Variants in PPFIA2 observed in about 807,000 individuals in gnomAD.
The protein encoded by PPFIA2 is liprin-alpha-2.
PPFIA2 carries 46 observed loss-of-function variants against 175.5 expected under a neutral mutation model. That is an observed-to-expected ratio of 0.26 (90% CI 0.21 to 0.34). The LOEUF is 0.34. PPFIA2 is among the 10% of genes least tolerant of loss of function. PPFIA2 has a pLI of 1.00. For missense variants in PPFIA2, 1,179 were observed against 1,506.1 expected (o/e 0.78, Z 3.60); for synonymous variants, 568 against 511.4 (o/e 1.11, Z -1.49).
intron 4 of PPFIA2, among the ~76,000 whole-genome samples, chr12:81,589,254 T>G (rs1023634476): frequency 2.6e-5 from 4 of 152,072 alleles, no homozygotes; most frequent in Non-Finnish European, 5.9e-5. Flanking sequence ...GGAAGAGTTA[T>G]AACTTCCTAT....
intron 30 of PPFIA2, among the ~76,000 whole-genome samples, chr12:81,266,324 C>T (rs2037252322): frequency 2.0e-5 from 3 of 152,152 alleles, no homozygotes; most frequent in African/African-American, 7.2e-5. Context: ...CAGTCCACAG[C>T]ATTTGCTGAT....
chr12:81,345,267 C>T (rs2058856284), intron 18 of PPFIA2, among the ~76,000 whole-genome samples: 1 of 152,004 alleles, frequency 6.6e-6, no homozygotes, highest in African/African-American at 2.4e-5. Flanking sequence ...TAAAAATATA[C>T]AATTGATGAC....
intron 4 of PPFIA2, among the ~76,000 whole-genome samples, chr12:81,532,346 G>A (rs559700296): frequency 2.6e-4 from 40 of 151,790 alleles, no homozygotes; most frequent in African/African-American, 9.6e-4. Context: ...AAGAAAGTGA[G>A]ATGAAAATCA....
chr12:81,611,655 T>C (rs1394698523), intron 4 of PPFIA2, among the ~76,000 whole-genome samples: 1 of 152,006 alleles, frequency 6.6e-6, no homozygotes, highest in Non-Finnish European at 1.5e-5. Context: ...TCACATCTGT[T>C]GCAAAGAAAG....
At chr12:81,395,009 C>G (rs1468406849) in intron 8 of PPFIA2, among the ~76,000 whole-genome samples, 1 of 151,820 alleles carries the variant, frequency 6.6e-6, no homozygotes, top group Non-Finnish European at 1.5e-5. Context: ...ATGTCTTGGA[C>G]AATAACAATA....
At chr12:81,398,666 T>A (rs935174329) in intron 8 of PPFIA2, among the ~76,000 whole-genome samples, 2 of 152,100 alleles carry the variant, frequency 1.3e-5, no homozygotes, top group Non-Finnish European at 2.9e-5. Flanking sequence ...CCGTAGCCGC[T>A]TTGTTAATGA....
chr12:81,751,004 A>AGT, intron 3 of PPFIA2, among the ~76,000 whole-genome samples: 1 of 152,212 alleles, frequency 6.6e-6, no homozygotes, highest in African/African-American at 2.4e-5. Flanking sequence ...CAATGCCACC[A>AGT]AACAGTGGCA....
intron 13 of PPFIA2, chr12:81,368,153 C>G (rs1249330650): frequency 1.6e-6 from 2 of 1,288,138 alleles, no homozygotes; most frequent in Non-Finnish European, 2.0e-6. Context: ...TCTTGCTGGT[C>G]TGGTAGCTGC....
At chr12:81,632,393 CTA>C (rs200419182) in intron 4 of PPFIA2, among the ~76,000 whole-genome samples, 19 of 151,578 alleles carry the variant, frequency 1.3e-4, no homozygotes, top group African/African-American at 2.7e-4. Context: ...ATGAATACCA[CTA>C]TATATATATG....
chr12:81,662,789 T>G (rs2069194314), intron 4 of PPFIA2, among the ~76,000 whole-genome samples: 1 of 152,144 alleles, frequency 6.6e-6, no homozygotes, highest in Non-Finnish European at 1.5e-5. Context: ...TGAATCTCAA[T>G]GCAAAAATCC....
At chr12:81,754,477 A>C (rs2153667548) in intron 2 of PPFIA2, among the ~76,000 whole-genome samples, 1 of 152,240 alleles carries the variant, frequency 6.6e-6, no homozygotes, top group Admixed American at 6.5e-5. Flanking sequence ...ACTTGGTTTC[A>C]CCTGTTTCTC....
At chr12:81,261,683 G>C (rs1023259478) in intron 32 of PPFIA2, among the ~76,000 whole-genome samples, 1 of 152,144 alleles carries the variant, frequency 6.6e-6, no homozygotes, top group Non-Finnish European at 1.5e-5. Context: ...GTAGAAAACA[G>C]TGTAGTGGCA....
At chr12:81,529,686 A>G (rs1003857053) in intron 4 of PPFIA2, among the ~76,000 whole-genome samples, 6 of 152,076 alleles carry the variant, frequency 3.9e-5, no homozygotes, top group Admixed American at 2.0e-4. Context: ...TAATTTTTCA[A>G]TGGGGGTTGG....
chr12:81,449,309 T>C (rs2051945280), intron 5 of PPFIA2, among the ~76,000 whole-genome samples: 1 of 152,140 alleles, frequency 6.6e-6, no homozygotes, highest in Non-Finnish European at 1.5e-5. Context: ...CTATTCACCA[T>C]GAAGCAAGCA....
intron 4 of PPFIA2, among the ~76,000 whole-genome samples, chr12:81,612,787 CATAT>C (rs1456250217): frequency 6.6e-6 from 1 of 152,154 alleles, no homozygotes; most frequent in Non-Finnish European, 1.5e-5. Flanking sequence ...ATAGATGTGT[CATAT>C]ATATGTGTGT....
chr12:81,272,160 G>A (rs1467818235), intron 28 of PPFIA2, among the ~76,000 whole-genome samples: 3 of 152,044 alleles, frequency 2.0e-5, no homozygotes, highest in Admixed American at 2.0e-4. Flanking sequence ...GGGAAATCAT[G>A]GTTTTCAGTA....
At chr12:81,508,775 C>T (rs1456726430) in intron 4 of PPFIA2, among the ~76,000 whole-genome samples, 2 of 121,080 alleles carry the variant, frequency 1.7e-5, no homozygotes, top group Non-Finnish European at 3.3e-5. Context: ...TCCCCCCACC[C>T]CACAACAGTC....
intron 7 of PPFIA2, among the ~76,000 whole-genome samples, chr12:81,429,595 T>C (rs1487177268): frequency 6.6e-6 from 1 of 152,062 alleles, no homozygotes; most frequent in African/African-American, 2.4e-5. Flanking sequence ...TATTCAAATA[T>C]AGCTGAACTA....
At chr12:81,359,697 T>G (rs1209544057) in intron 15 of PPFIA2, among the ~76,000 whole-genome samples, 4 of 151,942 alleles carry the variant, frequency 2.6e-5, no homozygotes, top group Non-Finnish European at 5.9e-5. Flanking sequence ...CTGTGGCTGC[T>G]TACCTTAATG....
Sources: allele counts gnomAD v4.1 joint callset (sites outside exome capture counted in the v4.1 genomes callset), GRCh38; gene constraint gnomAD v4.1.1; transcripts MANE v1.5; gene names NCBI Gene and HGNC (gene_info 2026-07-23, HGNC 2026-07-21).